The following KLF12 variants were observed in gnomAD, a reference collection of about 807,000 sequenced individuals.
The protein encoded by KLF12 is Krueppel-like factor 12.
A neutral mutation model predicts 37.8 loss-of-function variants in KLF12; 9 were observed. The observed-to-expected ratio is 0.24, with a 90% CI of 0.14 to 0.42. The LOEUF (loss-of-function observed/expected upper bound fraction) is 0.42, where lower values mean the gene tolerates loss of function less well. KLF12 is among the 10% of genes least tolerant of loss of function. The pLI, the probability that KLF12 is intolerant of heterozygous loss-of-function variation, is 1.00. For missense variants in KLF12, 411 were observed against 516.0 expected (o/e 0.80, Z 1.97); for synonymous variants, 208 against 202.1 (o/e 1.03, Z -0.25).
intron 4 of KLF12, among the ~76,000 whole-genome samples, chr13:73,837,848 G>C (rs1192708973): frequency 6.6e-6 from 1 of 152,174 alleles, no homozygotes; most frequent in African/African-American, 2.4e-5. Flanking sequence ...ATCAAGGGAA[G>C]CAAAGATAAC....
intron 5 of KLF12, among the ~76,000 whole-genome samples, chr13:73,777,969 C>T (rs571111364): frequency 6.6e-6 from 1 of 151,376 alleles, no homozygotes; most frequent in South Asian, 2.1e-4. Flanking sequence ...CCATCTCTAC[C>T]AAGAATACAA....
chr13:74,273,522 C>A, the KLF12 span, among the ~76,000 whole-genome samples: 9 of 151,240 alleles, frequency 6.0e-5, no homozygotes, highest in Admixed American at 3.3e-4. Context: ...TAGAATTTTG[C>A]AATGGTTGTG....
intron 1 of KLF12, among the ~76,000 whole-genome samples, chr13:74,063,362 C>T (rs1011004042): frequency 5.9e-5 from 9 of 152,198 alleles, no homozygotes; most frequent in Admixed American, 1.3e-4. Context: ...TACCCTAAAG[C>T]CAATACCATG....
At chr13:73,699,297 A>C (rs889613637) in intron 7 of KLF12, among the ~76,000 whole-genome samples, 2 of 151,864 alleles carry the variant, frequency 1.3e-5, no homozygotes, top group African/African-American at 2.4e-5. Context: ...AGGTGAAAGG[A>C]TTGCTTGAGA....
At chr13:73,815,322 A>G (rs1883157485) in intron 4 of KLF12, among the ~76,000 whole-genome samples, 1 of 152,310 alleles carries the variant, frequency 6.6e-6, no homozygotes, top group Middle Eastern at 3.4e-3. Flanking sequence ...ATCATTTAAG[A>G]TTTATTTTCG....
At chr13:74,084,418 A>G (rs1280513774) in intron 1 of KLF12, among the ~76,000 whole-genome samples, 1 of 152,134 alleles carries the variant, frequency 6.6e-6, no homozygotes. Flanking sequence ...TGCCCCAAAC[A>G]CCAGGGTTTT....
intron 3 of KLF12, among the ~76,000 whole-genome samples, chr13:73,866,308 A>G (rs1886176530): frequency 1.3e-5 from 2 of 152,164 alleles, no homozygotes; most frequent in Non-Finnish European, 2.9e-5. Flanking sequence ...AAGGTATTAC[A>G]TGTGTGTAAT....
chr13:73,805,310 A>G (rs1167629832), intron 5 of KLF12, among the ~76,000 whole-genome samples: 1 of 152,068 alleles, frequency 6.6e-6, no homozygotes, highest in East Asian at 1.9e-4. Context: ...ATAACAATGG[A>G]TTTGAAGATT....
intron 1 of KLF12, among the ~76,000 whole-genome samples, chr13:74,094,294 C>T (rs2138836388): frequency 6.6e-6 from 1 of 152,266 alleles, no homozygotes; most frequent in African/African-American, 2.4e-5. Flanking sequence ...ATAACATTTA[C>T]ATTCTGCAGG....
the KLF12 span, chr13:74,258,345 GAA>G: frequency 3.3e-5 from 5 of 152,252 alleles, no homozygotes; most frequent in African/African-American, 1.2e-4. Context: ...TGACTTTGCT[GAA>G]GTCATTTCTT....
intron 1 of KLF12, among the ~76,000 whole-genome samples, chr13:74,019,032 GA>G (rs1892772586): frequency 6.6e-6 from 1 of 152,076 alleles, no homozygotes; most frequent in Admixed American, 6.6e-5. Context: ...TTAAAGCTTG[GA>G]GGGGAAAAAA....
At chr13:74,064,766 A>C (rs1410007165) in intron 1 of KLF12, among the ~76,000 whole-genome samples, 1 of 152,188 alleles carries the variant, frequency 6.6e-6, no homozygotes, top group Non-Finnish European at 1.5e-5. Flanking sequence ...TTAGACCATA[A>C]AGGACCTTAG....
intron 1 of KLF12, among the ~76,000 whole-genome samples, chr13:74,024,931 CCTAA>C (rs1410408311): frequency 1.3e-5 from 2 of 152,166 alleles, no homozygotes; most frequent in South Asian, 2.1e-4. Context: ...CCACTGTTTT[CCTAA>C]CTATGTTAAG....
intron 3 of KLF12, among the ~76,000 whole-genome samples, chr13:73,917,552 G>A (rs1181626959): frequency 6.6e-6 from 1 of 152,072 alleles, no homozygotes; most frequent in Non-Finnish European, 1.5e-5. Flanking sequence ...GTACCAAGTT[G>A]GACTCTACCA....
chr13:74,244,959 A>T, the KLF12 span, among the ~76,000 whole-genome samples: 4 of 152,202 alleles, frequency 2.6e-5, no homozygotes, highest in East Asian at 5.8e-4. Context: ...AATGATTCAA[A>T]CTTACAAAAA....
chr13:73,793,437 G>C (rs1881799696), intron 5 of KLF12, among the ~76,000 whole-genome samples: 1 of 152,076 alleles, frequency 6.6e-6, no homozygotes, highest in Non-Finnish European at 1.5e-5. Flanking sequence ...ACATCTATAG[G>C]TACCATTTTA....
intron 5 of KLF12, among the ~76,000 whole-genome samples, chr13:73,773,611 T>G (rs749480215): frequency 1.3e-5 from 2 of 152,146 alleles, no homozygotes; most frequent in Non-Finnish European, 2.9e-5. Flanking sequence ...CTCACCTATT[T>G]TAACCCATTC....
At chr13:74,059,729 G>T (rs7318475) in intron 1 of KLF12, among the ~76,000 whole-genome samples, 2,740 of 152,162 alleles carry the variant, frequency 0.018, 80 homozygotes, top group African/African-American at 0.063. Flanking sequence ...TCTGTAGATT[G>T]CCTGTTTATT....
At chr13:74,303,413 T>C in the KLF12 span, among the ~76,000 whole-genome samples, 1 of 152,148 alleles carries the variant, frequency 6.6e-6, no homozygotes, top group African/African-American at 2.4e-5. Flanking sequence ...TTGGAGGGCA[T>C]AGCTAACTTC....
Sources: gnomAD v4.1 joint callset for allele counts (sites outside exome capture counted in the v4.1 genomes callset) on GRCh38, gnomAD v4.1.1 for gene constraint, MANE v1.5 for transcripts, NCBI Gene and HGNC (gene_info 2026-07-23, HGNC 2026-07-21) for gene names.